SYNDIG1: variants seen among roughly 807,000 people sequenced by gnomAD.
SYNDIG1 encodes the protein synapse differentiation inducing 1.
A neutral mutation model predicts 19.4 loss-of-function variants in SYNDIG1; 9 were observed. The observed-to-expected ratio is 0.46, with a 90% confidence interval of 0.28 to 0.81. The LOEUF is 0.81. SYNDIG1 is among the 30% of genes least tolerant of loss of function. SYNDIG1 has a pLI of 0.12. For missense variants in SYNDIG1, 311 were observed against 343.3 expected, an observed-to-expected ratio of 0.91 and a Z score of 0.74; for synonymous variants, 141 against 145.9, an observed-to-expected ratio of 0.97 and a Z score of 0.24.
intron 3 of SYNDIG1, among the ~76,000 whole-genome samples, chr20:24,633,133 C>T (rs2059269393): frequency 6.6e-6 from 1 of 152,172 alleles, no homozygotes; most frequent in Non-Finnish European, 1.5e-5. Flanking sequence ...CTGCAGCAAG[C>T]TTACTGCCAT....
rs571922894 is a variant in SYNDIG1, at chr20:24,500,074, G to A, written c.-79+30321G>A. ...CAAAAAAGGCCACAGCCAGCCAGCC[G>A]TGTCCAGACTGTGGGTTTGCTGCCA... is the stretch of plus-strand genomic sequence containing the variant. On this transcript the variant is annotated intron_variant, in intron 1 of 3. Coordinates refer to ENST00000376862, the MANE Select transcript of SYNDIG1 (RefSeq NM_024893.3). Among the ~76,000 whole-genome samples, 4 of 152,186 alleles carry A rather than the reference G, an allele frequency of 2.6e-5. 1 individual carries two copies. The South Asian group carries it at 6.2e-4, about 24-fold the overall frequency.
chr20:24,556,048 A>G (rs2057808235), intron 2 of SYNDIG1, among the ~76,000 whole-genome samples: 1 of 151,956 alleles, frequency 6.6e-6, no homozygotes, highest in East Asian at 1.9e-4. Context: ...TGATCCCTTT[A>G]CCGTTACGTA....
intron 3 of SYNDIG1, among the ~76,000 whole-genome samples, chr20:24,597,322 T>C (rs2147103910): frequency 6.6e-6 from 1 of 152,366 alleles, no homozygotes; most frequent in East Asian, 1.9e-4. Flanking sequence ...CCCTTGTTCC[T>C]GCTATACTAT....
At chr20:24,490,872 A>G (rs934906812) in intron 1 of SYNDIG1, among the ~76,000 whole-genome samples, 1 of 152,178 alleles carries the variant, frequency 6.6e-6, no homozygotes, top group African/African-American at 2.4e-5. Flanking sequence ...CAGTCTGGAA[A>G]TTTGCACCAG....
intron 3 of SYNDIG1, among the ~76,000 whole-genome samples, chr20:24,635,988 T>C (rs2059311165): frequency 6.6e-6 from 1 of 152,234 alleles, no homozygotes; most frequent in African/African-American, 2.4e-5. Context: ...TTATTGTCTT[T>C]AGCATTCATG....
At chr20:24,505,068 G>A (rs568726090) in intron 1 of SYNDIG1, among the ~76,000 whole-genome samples, 48 of 152,284 alleles carry the variant, frequency 3.2e-4, no homozygotes, top group African/African-American at 1.1e-3. Flanking sequence ...GGTGAGCCGC[G>A]GCAGGGCTGT....
intron 2 of SYNDIG1, among the ~76,000 whole-genome samples, chr20:24,554,538 C>T (rs2057771945): frequency 6.6e-6 from 1 of 152,118 alleles, no homozygotes; most frequent in Non-Finnish European, 1.5e-5. Flanking sequence ...TGTCAAAGGC[C>T]TTTTCTGCAT....
chr20:24,512,696 G>T (rs914043613), intron 1 of SYNDIG1, among the ~76,000 whole-genome samples: 1 of 152,150 alleles, frequency 6.6e-6, no homozygotes, highest in South Asian at 2.1e-4. Flanking sequence ...CTCCACCTCC[G>T]GGGGCAGGGC....
At position 24,557,688 on chromosome 20, in the gene SYNDIG1, G is replaced by A. The variant is rs537247777; in HGVS notation, c.480+14111G>A. Among the ~76,000 whole-genome samples, 149 of 152,218 alleles carry A rather than the reference G, an allele frequency of 9.8e-4. No homozygotes were observed. The South Asian group carries it at 0.013, about 14-fold the overall frequency. ...GAAGTTTTGTCTCAGAGGAGTACCCGGCCATGTGAGGTGTCAGTCTGCCCG... is the reference window on the plus strand; with the variant it reads ...GAAGTTTTGTCTCAGAGGAGTACCCAGCCATGTGAGGTGTCAGTCTGCCCG... On this transcript the variant is annotated intron_variant, in intron 2 of 3. Coordinates refer to ENST00000376862, the MANE Select transcript of SYNDIG1 (RefSeq NM_024893.3).
intron 3 of SYNDIG1, among the ~76,000 whole-genome samples, chr20:24,598,991 G>T (rs1319773504): frequency 2.0e-5 from 3 of 152,080 alleles, no homozygotes; most frequent in Non-Finnish European, 2.9e-5. Context: ...AGACAAGCAG[G>T]ACTTAATTAA....
intron 3 of SYNDIG1, among the ~76,000 whole-genome samples, chr20:24,624,595 A>G (rs1394038705): frequency 6.6e-6 from 1 of 152,196 alleles, no homozygotes; most frequent in Admixed American, 6.5e-5. Flanking sequence ...GTAGTTAGAG[A>G]TTTTCATGCT....
intron 2 of SYNDIG1, among the ~76,000 whole-genome samples, chr20:24,554,441 T>G (rs1419644448): frequency 6.6e-6 from 1 of 152,250 alleles, no homozygotes; most frequent in Non-Finnish European, 1.5e-5. Context: ...GGCTGTGGGT[T>G]GGACATAGAT....
intron 3 of SYNDIG1, among the ~76,000 whole-genome samples, chr20:24,650,462 C>T (rs1001544661): frequency 6.6e-6 from 1 of 152,228 alleles, no homozygotes; most frequent in African/African-American, 2.4e-5. Context: ...TCATCACGTA[C>T]GTAGTCAGCA....
intron 1 of SYNDIG1, among the ~76,000 whole-genome samples, chr20:24,488,004 T>A (rs2056017504): frequency 6.6e-6 from 1 of 152,140 alleles, no homozygotes; most frequent in Non-Finnish European, 1.5e-5. Flanking sequence ...CAGCCAAGAA[T>A]CAAGCATCCC....
chr20:24,503,706 C>T (rs1316955302), intron 1 of SYNDIG1, among the ~76,000 whole-genome samples: 1 of 152,030 alleles, frequency 6.6e-6, no homozygotes, highest in Non-Finnish European at 1.5e-5. Context: ...CTCCAATCCC[C>T]CTGACCCTGT....
chr20:24,538,000 G>A (rs893918144), intron 1 of SYNDIG1, among the ~76,000 whole-genome samples: 4 of 152,164 alleles, frequency 2.6e-5, no homozygotes, highest in African/African-American at 9.7e-5. Context: ...GTCCCAGACA[G>A]TGTATCTTTT....
chr20:24,565,670 C>A (rs914564608), intron 2 of SYNDIG1, among the ~76,000 whole-genome samples: 1 of 152,168 alleles, frequency 6.6e-6, no homozygotes, highest in Non-Finnish European at 1.5e-5. Context: ...TTTAAAAATG[C>A]CCCTGGGCAG....
chr20:24,653,336 G>C (rs987253740), intron 3 of SYNDIG1, among the ~76,000 whole-genome samples: 2 of 152,138 alleles, frequency 1.3e-5, no homozygotes, highest in African/African-American at 2.4e-5. Flanking sequence ...TGAGGAGGCA[G>C]GGCTGGGAGC....
chr20:24,620,369 G>A (rs1258991246), intron 3 of SYNDIG1, among the ~76,000 whole-genome samples: 1 of 152,154 alleles, frequency 6.6e-6, no homozygotes, highest in Non-Finnish European at 1.5e-5. Flanking sequence ...CAGCTAGGAG[G>A]AAACATCTGG....
Sources: gnomAD v4.1 joint callset for allele counts (sites outside exome capture counted in the v4.1 genomes callset) on GRCh38, gnomAD v4.1.1 for gene constraint, MANE v1.5 for transcripts, NCBI Gene and HGNC (gene_info 2026-07-23, HGNC 2026-07-21) for gene names.